STPG2: variants seen among roughly 807,000 people sequenced by gnomAD.
STPG2 encodes the protein sperm-tail PG-rich repeat-containing protein 2.
A neutral mutation model predicts 54.2 loss-of-function variants in STPG2; 56 were observed. That is an observed-to-expected ratio of 1.03 (90% CI 0.83 to 1.29). The LOEUF (loss-of-function observed/expected upper bound fraction) is 1.29, where lower values mean the gene tolerates loss of function less well. STPG2 is among the 50% of genes most tolerant of loss of function. The probability of loss-of-function intolerance (pLI) is 0.00; values close to 1 mark genes in which losing one functional copy is unlikely to be tolerated. For missense variants in STPG2, 596 were observed against 544.9 expected (o/e 1.09, Z -0.93); for synonymous variants, 200 against 181.8 (o/e 1.10, Z -0.81).
intron 5 of STPG2, among the ~76,000 whole-genome samples, chr4:98,078,353 A>G (rs1200620829): frequency 1.3e-5 from 2 of 152,174 alleles, no homozygotes; most frequent in African/African-American, 2.4e-5. Flanking sequence ...TAAGGAAAAA[A>G]TAAATTCCTT....
At chr4:97,828,262 G>A (rs1054431344) in intron 9 of STPG2, among the ~76,000 whole-genome samples, 5 of 152,098 alleles carry the variant, frequency 3.3e-5, no homozygotes, top group South Asian at 2.1e-4. Flanking sequence ...CTGGGGCATC[G>A]CCTCACCCAG....
intron 4 of STPG2, among the ~76,000 whole-genome samples, chr4:97,458,518 T>C (rs1729582690): frequency 6.6e-6 from 1 of 152,184 alleles, no homozygotes; most frequent in South Asian, 2.1e-4. Flanking sequence ...ATAGTATATA[T>C]TCATTATGTG....
chr4:97,540,554 G>T (rs1436590965), intron 4 of STPG2, among the ~76,000 whole-genome samples: 1 of 152,138 alleles, frequency 6.6e-6, no homozygotes, highest in South Asian at 2.1e-4. Flanking sequence ...TTACAAGGAG[G>T]AGCTGGTACC....
At chr4:97,592,167 T>TA (rs1578410380) in intron 10 of STPG2, among the ~76,000 whole-genome samples, 2 of 152,058 alleles carry the variant, frequency 1.3e-5, no homozygotes, top group Admixed American at 6.6e-5. Flanking sequence ...TAAAAATTGG[T>TA]AAAATTTTTT....
intron 7 of STPG2, among the ~76,000 whole-genome samples, chr4:97,966,975 C>A (rs755968702): frequency 5.3e-5 from 8 of 152,078 alleles, no homozygotes; most frequent in Non-Finnish European, 8.8e-5. Flanking sequence ...AACCAGCTAA[C>A]ATCATAATGA....
intron 10 of STPG2, among the ~76,000 whole-genome samples, chr4:97,619,255 A>C (rs558407252): frequency 2.9e-4 from 44 of 151,804 alleles, no homozygotes; most frequent in African/African-American, 8.2e-4. Flanking sequence ...GTGTGTGTGT[A>C]TATCTATATG....
At position 97,795,646 on chromosome 4, in the gene STPG2, G is replaced by A. The variant is rs1368018898; in HGVS notation, c.1204+45127C>T. On this transcript the variant is annotated intron_variant, in intron 9 of 10. Coordinates refer to ENST00000295268, the MANE Select transcript of STPG2 (RefSeq NM_174952.3). ...CCAAGTCTTTGCTATTGTGAATAGT[G>A]CCACAATAAACATATGTGTGCATGT... Among the ~76,000 whole-genome samples, 5 of 152,268 alleles carry A rather than the reference G, an allele frequency of 3.3e-5. No homozygotes were observed. The South Asian group carries it at 8.3e-4, about 25-fold the overall frequency.
intron 4 of STPG2, among the ~76,000 whole-genome samples, chr4:97,485,762 T>C (rs2148824006): frequency 6.6e-6 from 1 of 151,950 alleles, no homozygotes; most frequent in Non-Finnish European, 1.5e-5. Flanking sequence ...AAAACAAACC[T>C]GGAGGCATCA....
chr4:97,653,045 A>G (rs962686602), intron 10 of STPG2, among the ~76,000 whole-genome samples: 2 of 151,984 alleles, frequency 1.3e-5, no homozygotes, highest in African/African-American at 4.8e-5. Flanking sequence ...CTTAGTAATA[A>G]GGTAACCTAA....
intron 9 of STPG2, among the ~76,000 whole-genome samples, chr4:97,804,930 T>C (rs991869974): frequency 6.6e-6 from 1 of 152,224 alleles, no homozygotes; most frequent in African/African-American, 2.4e-5. Context: ...GGCTATACCA[T>C]ATGGCTTAGC....
chr4:97,712,651 A>G, intron 10 of STPG2, 48 bp downstream of exon 10: 2 of 1,312,698 alleles, frequency 1.5e-6, no homozygotes, highest in Non-Finnish European at 2.1e-6. Flanking sequence ...ACTTTCTGGA[A>G]ATTAATTCTA....
intron 5 of STPG2, among the ~76,000 whole-genome samples, chr4:97,989,781 C>A (rs1734952084): frequency 6.6e-6 from 1 of 152,170 alleles, no homozygotes; most frequent in Non-Finnish European, 1.5e-5. Flanking sequence ...AATCTGATAA[C>A]CAAAACAGCT....
At chr4:97,642,992 A>G (rs1721806982) in intron 10 of STPG2, among the ~76,000 whole-genome samples, 1 of 151,566 alleles carries the variant, frequency 6.6e-6, no homozygotes, top group Non-Finnish European at 1.5e-5. Flanking sequence ...AGACCAGAAT[A>G]CTAATAAATA....
intron 9 of STPG2, among the ~76,000 whole-genome samples, chr4:97,814,757 C>CA (rs1727856216): frequency 6.6e-6 from 1 of 152,112 alleles, no homozygotes; most frequent in Admixed American, 6.5e-5. Flanking sequence ...GAAAAGACTA[C>CA]ACTGGCTTAG....
chr4:97,557,766 T>C (rs1732115126), downstream of STPG2, among the ~76,000 whole-genome samples: 2 of 152,174 alleles, frequency 1.3e-5, no homozygotes, highest in African/African-American at 2.4e-5. Context: ...GCAGGGCATA[T>C]TGGAGCAAAG....
At chr4:97,516,787 C>T (rs1731084995) in intron 4 of STPG2, among the ~76,000 whole-genome samples, 1 of 151,782 alleles carries the variant, frequency 6.6e-6, no homozygotes, top group South Asian at 2.1e-4. Flanking sequence ...AAGATTGTGC[C>T]ACTGGTGTCA....
chr4:98,082,618 A>G (rs1738383501), intron 5 of STPG2, among the ~76,000 whole-genome samples: 2 of 150,730 alleles, frequency 1.3e-5, no homozygotes, highest in African/African-American at 4.9e-5. Flanking sequence ...CACCCGGATA[A>G]TTTTTTTGTA....
intron 4 of STPG2, among the ~76,000 whole-genome samples, chr4:97,551,018 C>G (rs1731954067): frequency 6.9e-6 from 1 of 144,130 alleles, no homozygotes; most frequent in South Asian, 2.1e-4. Context: ...GAAGGGGACC[C>G]CATTGGGTTG....
intron 5 of STPG2, among the ~76,000 whole-genome samples, chr4:98,053,289 G>A (rs1264486481): frequency 6.6e-6 from 1 of 152,190 alleles, no homozygotes; most frequent in East Asian, 1.9e-4. Context: ...AAATATAATT[G>A]ATTTTTATGA....
Sources: gnomAD v4.1 joint callset for allele counts (sites outside exome capture counted in the v4.1 genomes callset) on GRCh38, gnomAD v4.1.1 for gene constraint, MANE v1.5 for transcripts, NCBI Gene and HGNC (gene_info 2026-07-23, HGNC 2026-07-21) for gene names.